RALGAPA1: variants seen among roughly 807,000 people sequenced by gnomAD.
The protein encoded by RALGAPA1 is Ral GTPase activating protein catalytic subunit alpha 1, also known as ral GTPase-activating protein subunit alpha-1.
RALGAPA1 carries 52 observed loss-of-function variants against 269.6 expected under a neutral mutation model. That is an observed-to-expected ratio of 0.19 (90% confidence interval 0.15 to 0.24). RALGAPA1 has a LOEUF of 0.24. RALGAPA1 is among the 10% of genes least tolerant of loss of function. RALGAPA1 has a pLI of 1.00. For synonymous variants in RALGAPA1, 817 were observed against 1,008.3 expected (o/e 0.81, Z 3.60); for missense variants, 1,917 against 3,013.9 (o/e 0.64, Z 8.52).
intron 17 of RALGAPA1, among the ~76,000 whole-genome samples, chr14:35,693,394 T>G (rs1302385187): frequency 6.6e-6 from 1 of 151,814 alleles, no homozygotes; most frequent in Non-Finnish European, 1.5e-5. Context: ...CAGGTTTAAA[T>G]AAAAATGCCC....
At chr14:35,751,453 A>C (rs1356530608) in intron 8 of RALGAPA1, among the ~76,000 whole-genome samples, 1 of 152,156 alleles carries the variant, frequency 6.6e-6, no homozygotes, top group African/African-American at 2.4e-5. Context: ...TAACTTTTAT[A>C]ATTGATAAGA....
rs199774375 is a variant in RALGAPA1 at position 35,595,724 on chromosome 14, G to C, written c.7119C>G (p.Thr2373=). The C allele has an allele frequency of 6.2e-7, 1 of 1,611,786 alleles. No individual in the cohort carries two copies. The highest frequency in any genetic ancestry group is 2.2e-5 in the East Asian group (1 of 44,796). ...GLQKNKSTGL[T]TPYFATSTVE... ...CTGTAGAGGTAGCAAAATATGGAGT[G>C]GTCAATCCAGTGCTTTTGTTTTTTT... is the stretch of plus-strand genomic sequence containing the variant. Residue 2373 remains threonine, a synonymous_variant, in exon 37 of 42, where the codon ACC becomes ACG. Coordinates refer to ENST00000680220, the MANE Select transcript of RALGAPA1 (RefSeq NM_001346249.2).
At chr14:35,560,532 T>C (rs1182390188) in intron 39 of RALGAPA1, among the ~76,000 whole-genome samples, 3 of 152,180 alleles carry the variant, frequency 2.0e-5, no homozygotes, top group African/African-American at 4.8e-5. Flanking sequence ...CCACTTAAAA[T>C]TAATCACCTT....
chr14:35,649,011 C>T (rs749432646), intron 31 of RALGAPA1, among the ~76,000 whole-genome samples: 15 of 152,194 alleles, frequency 9.9e-5, no homozygotes, highest in Admixed American at 2.6e-4. Flanking sequence ...TCTACTATAT[C>T]GCCTTAAGTG....
chr14:35,752,138 T>C lies in RALGAPA1; in HGVS notation c.688A>G (p.Lys230Glu), dbSNP rs2072769398. The change falls in exon 8 of 42, where the codon AAA becomes GAA. Residue 230 changes from lysine (K) to glutamate (E), a missense_variant. Physicochemically the swap from Lys to Glu is moderately conservative, Grantham distance 56 (BLOSUM62 1). Transcript: ENST00000680220. ...GAAAATCCCCTTTCTTGGTTTTCTTTGTTCTTCCATTCTAAACTTTTTACC... is the reference window on the plus strand; with the variant it reads ...GAAAATCCCCTTTCTTGGTTTTCTTCGTTCTTCCATTCTAAACTTTTTACC... ...IQVKSLEWKNKENQERGFSFL... is the reference protein window; with the variant it reads ...IQVKSLEWKNEENQERGFSFL... The C allele has an allele frequency of 6.4e-7, 1 of 1,574,516 alleles. No individual in the cohort carries two copies. Among genetic ancestry groups the C allele is most frequent in the African/African-American group, 1.4e-5 (1 of 73,014 alleles).
intron 28 of RALGAPA1, 60 bp from the exon 29 acceptor site, chr14:35,655,975 C>T: frequency 6.2e-7 from 1 of 1,607,434 alleles, no homozygotes; most frequent in Non-Finnish European, 8.5e-7. Flanking sequence ...CAAACATGAC[C>T]CACAATCAAC....
At chr14:35,671,358 G>T in intron 26 of RALGAPA1, 31 bp downstream of exon 26, 1 of 1,542,038 alleles carries the variant, frequency 6.5e-7, no homozygotes. Context: ...GCTAAAGTTT[G>T]TTATATGATA....
intron 7 of RALGAPA1, among the ~76,000 whole-genome samples, chr14:35,755,762 A>G (rs1045457474): frequency 1.2e-4 from 19 of 152,220 alleles, no homozygotes; most frequent in Non-Finnish European, 2.9e-5. Flanking sequence ...TAATTTGCCA[A>G]TAGCCACACT....
chr14:35,790,785 C>A (rs552189016), intron 1 of RALGAPA1, among the ~76,000 whole-genome samples: 1 of 151,368 alleles, frequency 6.6e-6, no homozygotes, highest in Non-Finnish European at 1.5e-5. Context: ...TTTATTATTA[C>A]GTAAAAATCA....
chr14:35,808,617 C>G (rs2077543533), intron 1 of RALGAPA1, 113 bp downstream of exon 1: 1 of 1,151,964 alleles, frequency 8.7e-7, no homozygotes, highest in Non-Finnish European at 1.2e-6. Flanking sequence ...GCAGAGGCTA[C>G]GATTTGCCCT....
chr14:35,751,147 G>A (rs2072645314), intron 8 of RALGAPA1, among the ~76,000 whole-genome samples: 3 of 152,184 alleles, frequency 2.0e-5, no homozygotes, highest in Admixed American at 2.0e-4. Context: ...ATATGGCAGA[G>A]ATATGCTTCT....
chr14:35,561,490 T>C (rs2056236860), intron 39 of RALGAPA1, among the ~76,000 whole-genome samples: 1 of 148,544 alleles, frequency 6.7e-6, no homozygotes, highest in Non-Finnish European at 1.5e-5. Context: ...TGTAATGCCA[T>C]GTCTTTAATA....
rs144245620 is a variant in RALGAPA1 at position 35,678,067 on chromosome 14, C to G, written c.4507G>C (p.Gly1503Arg). ...GGGGAAGGAGTCTGTGACCTGGAGC[C>G]CAGAGGTGAGTGGACTGGGGAAGCA... Reference protein sequence around the residue: ...ESASPVHSPLGSRSQTPSPST... With the variant: ...ESASPVHSPLRSRSQTPSPST... The change falls in exon 22 of 42, where the codon GGC becomes CGC. Residue 1503 changes from glycine (G) to arginine (R), a missense_variant. Transcript: ENST00000680220. 78 of 1,608,758 alleles carry G rather than the reference C, an allele frequency of 4.8e-5. No individual in the cohort carries two copies. Among genetic ancestry groups the G allele is most frequent in the Non-Finnish European group, 6.4e-5 (76 of 1,178,864 alleles).
At chr14:35,796,875 C>A (rs937212273) in intron 1 of RALGAPA1, among the ~76,000 whole-genome samples, 5 of 151,884 alleles carry the variant, frequency 3.3e-5, no homozygotes, top group African/African-American at 1.2e-4. Context: ...GCAACCTCTG[C>A]CTCCTGGGTT....
At chr14:35,614,473 T>A (rs1159959942) in intron 35 of RALGAPA1, among the ~76,000 whole-genome samples, 2 of 152,170 alleles carry the variant, frequency 1.3e-5, no homozygotes, top group Admixed American at 6.6e-5. Context: ...AAAACCCACA[T>A]ATTATTTGAT....
intron 4 of RALGAPA1, chr14:35,766,216 T>C (rs1189254986): frequency 4.9e-6 from 4 of 821,924 alleles, no homozygotes; most frequent in Non-Finnish European, 8.7e-6. Context: ...GAGGATTTGA[T>C]GGAAGTGCAA....
At chr14:35,775,782 T>G (rs1272569344) in intron 1 of RALGAPA1, 37 bp from the exon 2 acceptor site, 1 of 1,478,068 alleles carries the variant, frequency 6.8e-7, no homozygotes. Context: ...TATTTACATG[T>G]ATGTTAAATC....
intron 18 of RALGAPA1, among the ~76,000 whole-genome samples, chr14:35,687,135 G>A (rs542150843): frequency 3.9e-5 from 6 of 152,078 alleles, no homozygotes; most frequent in Non-Finnish European, 7.4e-5. Context: ...ATATACTGCT[G>A]TTTCTATCCA....
intron 26 of RALGAPA1, among the ~76,000 whole-genome samples, chr14:35,669,530 A>T (rs961614052): frequency 6.6e-6 from 1 of 152,202 alleles, no homozygotes; most frequent in Non-Finnish European, 1.5e-5. Flanking sequence ...CTGGGAGTAC[A>T]GGTGTGAACC....
Sources: allele counts gnomAD v4.1 joint callset (sites outside exome capture counted in the v4.1 genomes callset), GRCh38; gene constraint gnomAD v4.1.1; transcripts MANE v1.5; gene names NCBI Gene and HGNC (gene_info 2026-07-23, HGNC 2026-07-21).